PTPRN2: variants seen among roughly 807,000 people sequenced by gnomAD.
PTPRN2 encodes protein tyrosine phosphatase receptor type N2.
PTPRN2 carries 74 observed loss-of-function variants against 118.8 expected under a neutral mutation model. The ratio of observed to expected loss-of-function variants is 0.62; its 90% CI spans 0.52 to 0.76. PTPRN2 has a LOEUF of 0.76. PTPRN2 is among the 30% of genes least tolerant of loss of function. The pLI, the probability that PTPRN2 is intolerant of heterozygous loss-of-function variation, is 0.00. For synonymous variants in PTPRN2, 641 were observed against 608.0 expected (o/e 1.05, Z -0.80); for missense variants, 1,481 against 1,394.4 (o/e 1.06, Z -0.99).
At position 158,579,701 on chromosome 7, in the gene PTPRN2, G is replaced by C. The variant is rs545811272; in HGVS notation, c.112+7857C>G. On this transcript the variant is annotated intron_variant, in intron 1 of 22. Transcript: ENST00000389418. The stretch of plus-strand genomic sequence containing the variant: ...TTCCCTATTCCCTACCATATTTGCA[G>C]AAATCACCAGCAGTTTCTGACTCTG... 2.0e-4 allele frequency among the ~76,000 whole-genome samples: 30 copies of C among 152,304 alleles called. No individual in the cohort carries two copies. In the South Asian group the frequency reaches 5.4e-3, roughly 27 times the overall value.
At chr7:158,145,540 G>A (rs926434620) in intron 6 of PTPRN2, among the ~76,000 whole-genome samples, 2 of 152,234 alleles carry the variant, frequency 1.3e-5, no homozygotes, top group Non-Finnish European at 2.9e-5. Context: ...GGACCAGGAA[G>A]GGAGGAAGAA....
chr7:157,781,261 A>G (rs933073878), intron 12 of PTPRN2, among the ~76,000 whole-genome samples: 7 of 152,210 alleles, frequency 4.6e-5, no homozygotes, highest in African/African-American at 1.7e-4. Flanking sequence ...TGTTATTATC[A>G]TCTCCTCAAA....
At chr7:157,656,178 T>C (rs1174232058) in intron 14 of PTPRN2, among the ~76,000 whole-genome samples, 179 bp downstream of exon 14, 4 of 151,034 alleles carry the variant, frequency 2.6e-5, no homozygotes, top group Admixed American at 2.0e-4. Context: ...TTCTTGTTTA[T>C]CTAAATTAAG....
intron 2 of PTPRN2, among the ~76,000 whole-genome samples, chr7:158,450,080 G>A (rs570624109): frequency 1.1e-4 from 16 of 152,310 alleles, no homozygotes; most frequent in Admixed American, 3.9e-4. Flanking sequence ...TTCTCACCGC[G>A]TCCTTACATG....
chr7:158,263,460 TCCC>T (rs1264931897), intron 3 of PTPRN2, among the ~76,000 whole-genome samples: 1 of 152,184 alleles, frequency 6.6e-6, no homozygotes, highest in East Asian at 1.9e-4. Context: ...AGCCATCTTC[TCCC>T]GACCGCATCC....
intron 6 of PTPRN2, 49 bp downstream of exon 6, chr7:158,166,882 G>A: frequency 7.1e-7 from 1 of 1,418,424 alleles, no homozygotes; most frequent in East Asian, 2.6e-5. Context: ...GGGAGGGGCT[G>A]GACAGAGGAC....
chr7:158,356,949 C>T (rs997562936), intron 2 of PTPRN2, among the ~76,000 whole-genome samples: 1 of 152,178 alleles, frequency 6.6e-6, no homozygotes, highest in African/African-American at 2.4e-5. Context: ...GGCCCCAGCA[C>T]AGGGTCAGGT....
Position 157,808,591 on chromosome 7 carries a change from C to T in PTPRN2, c.1788+90082G>A, listed in dbSNP as rs1428393677. Among the ~76,000 whole-genome samples the T allele has an allele frequency of 1.3e-5, 2 of 152,292 alleles. No individual in the cohort carries two copies. The highest frequency in any genetic ancestry group is 3.4e-3 in the Middle Eastern group (1 of 294). ...CCAGCCAGTTGCAGGAAAACAAGCT[C>T]AGGGCACCCACTGATTCTACATGAT... On this transcript the variant is annotated intron_variant, in intron 12 of 22. Coordinates refer to ENST00000389418, the MANE Select transcript of PTPRN2 (RefSeq NM_002847.5). The surrounding 1 kb of genome is among the most constrained non-coding windows in gnomAD (Gnocchi z 5.0).
At chr7:157,814,081 G>T (rs934707581) in intron 12 of PTPRN2, among the ~76,000 whole-genome samples, 1 of 152,370 alleles carries the variant, frequency 6.6e-6, no homozygotes, top group African/African-American at 2.4e-5. Context: ...CTGCCGTGCT[G>T]CGCAGGTGAG....
intron 12 of PTPRN2, among the ~76,000 whole-genome samples, chr7:157,875,663 C>A (rs1197671556): frequency 6.6e-6 from 1 of 152,222 alleles, no homozygotes; most frequent in Non-Finnish European, 1.5e-5. Context: ...CCCCTGGTGG[C>A]TGCAGCAGCA....
In PTPRN2 at chr7:158,062,739, C is replaced by T. The variant is rs185401165; in HGVS notation, c.1723+18559G>A. Among the ~76,000 whole-genome samples the T allele has an allele frequency of 3.0e-4, 46 of 152,340 alleles. No homozygotes were observed. The East Asian group carries it at 8.5e-3, about 28-fold the overall frequency. Reference sequence around the variant, plus strand: ...AGGCCAGCAGCTGCGGAGGGTGTGCCGGTTCCCCCAGCAGTGCCAGCCCAC... The same window carrying T: ...AGGCCAGCAGCTGCGGAGGGTGTGCTGGTTCCCCCAGCAGTGCCAGCCCAC... On this transcript the variant is annotated intron_variant, in intron 11 of 22. Transcript: ENST00000389418.
At chr7:158,452,271 CGTTT>C (rs1183740218) in intron 2 of PTPRN2, among the ~76,000 whole-genome samples, 1 of 152,074 alleles carries the variant, frequency 6.6e-6, no homozygotes, top group East Asian at 1.9e-4. Context: ...AAAGCTAGTT[CGTTT>C]AATTTCAAAA....
At chr7:157,841,906 G>A (rs74741583) in intron 12 of PTPRN2, among the ~76,000 whole-genome samples, 2 of 138,872 alleles carry the variant, frequency 1.4e-5, no homozygotes, top group East Asian at 2.4e-4. Context: ...TACAGTACCC[G>A]GGGACTGTGT....
chr7:157,571,520 A>G (rs745446980), intron 19 of PTPRN2, 27 bp from the exon 20 acceptor site: 1 of 1,563,698 alleles, frequency 6.4e-7, no homozygotes, highest in Admixed American at 1.7e-5. Context: ...TATAAAAATT[A>G]TCGTTGTGTA....
chr7:158,488,683 G>A (rs919380240), intron 2 of PTPRN2, among the ~76,000 whole-genome samples: 1 of 152,194 alleles, frequency 6.6e-6, no homozygotes, highest in African/African-American at 2.4e-5. Flanking sequence ...TCAGTCCCCC[G>A]CCGGCACCCA....
intron 6 of PTPRN2, among the ~76,000 whole-genome samples, chr7:158,153,525 C>T (rs1821402208): frequency 6.6e-6 from 1 of 152,262 alleles, no homozygotes; most frequent in South Asian, 2.1e-4. Context: ...GTCAGCTCCC[C>T]TAGAGGTTTG....
intron 12 of PTPRN2, among the ~76,000 whole-genome samples, chr7:157,743,750 G>C (rs1800765136): frequency 1.3e-5 from 2 of 152,016 alleles, no homozygotes; most frequent in South Asian, 4.2e-4. Flanking sequence ...TCTCTGGGTT[G>C]GCTGAGTTGG....
intron 1 of PTPRN2, among the ~76,000 whole-genome samples, chr7:158,585,726 T>C (rs558621980): frequency 6.6e-6 from 1 of 152,210 alleles, no homozygotes; most frequent in Non-Finnish European, 1.5e-5. Context: ...TGCTGTGAAC[T>C]AGCCATTGCA....
chr7:157,600,342 CT>C (rs1425398534), intron 16 of PTPRN2, among the ~76,000 whole-genome samples: 1 of 152,262 alleles, frequency 6.6e-6, no homozygotes, highest in Non-Finnish European at 1.5e-5. Flanking sequence ...CACCATTTGA[CT>C]TCTCAAGTCT....
Sources: allele counts gnomAD v4.1 joint callset (sites outside exome capture counted in the v4.1 genomes callset), GRCh38; gene constraint gnomAD v4.1.1; non-coding constraint Gnocchi (gnomAD v3.1); transcripts MANE v1.5; gene names NCBI Gene and HGNC (gene_info 2026-07-23, HGNC 2026-07-21).